SLCO3A1: variants seen among roughly 807,000 people sequenced by gnomAD.
SLCO3A1 encodes PGE1 transporter.
Under a neutral mutation model 63.1 loss-of-function variants are expected in SLCO3A1, and 27 were observed. The ratio of observed to expected loss-of-function variants is 0.43; its 90% confidence interval spans 0.32 to 0.59. The LOEUF (loss-of-function observed/expected upper bound fraction) is 0.59. SLCO3A1 is among the 20% of genes least tolerant of loss of function. SLCO3A1 has a pLI of 0.09. For missense variants in SLCO3A1, 773 were observed against 945.8 expected (o/e 0.82, Z 2.40); for synonymous variants, 473 against 409.9 (o/e 1.15, Z -1.86).
At chr15:91,932,449 C>A (rs999381585) in intron 2 of SLCO3A1, among the ~76,000 whole-genome samples, 3 of 151,634 alleles carry the variant, frequency 2.0e-5, no homozygotes. Context: ...ATTTTATTAG[C>A]AGTTTTTTTT....
intron 9 of SLCO3A1, among the ~76,000 whole-genome samples, chr15:92,160,100 G>T (rs2048418503): frequency 6.6e-6 from 1 of 152,040 alleles, no homozygotes; most frequent in African/African-American, 2.4e-5. Context: ...TGGGTGGCTA[G>T]AACAAAGTGA....
chr15:92,168,820 C>T (rs550293436), downstream of SLCO3A1, among the ~76,000 whole-genome samples: 4 of 152,284 alleles, frequency 2.6e-5, no homozygotes, highest in South Asian at 2.1e-4. Context: ...TGTGACGTGG[C>T]GGATTTGAAC....
intron 2 of SLCO3A1, among the ~76,000 whole-genome samples, chr15:91,927,186 G>A (rs113378547): frequency 1.9e-4 from 29 of 152,080 alleles, no homozygotes; most frequent in African/African-American, 7.0e-4. Context: ...AAATTCCTTT[G>A]GGGCTGAAAT....
downstream of SLCO3A1, among the ~76,000 whole-genome samples, chr15:92,170,328 TTTA>T (rs1464481543): frequency 6.6e-6 from 1 of 152,190 alleles, no homozygotes; most frequent in Non-Finnish European, 1.5e-5. Flanking sequence ...AGCTCATGTT[TTTA>T]TTAAGCACCT....
intron 7 of SLCO3A1, among the ~76,000 whole-genome samples, chr15:92,142,374 A>G (rs574687577): frequency 6.6e-6 from 1 of 152,316 alleles, no homozygotes; most frequent in East Asian, 1.9e-4. Flanking sequence ...TGGATCTGAC[A>G]TCTGATGAAG....
intron 2 of SLCO3A1, among the ~76,000 whole-genome samples, chr15:91,920,420 G>A (rs1237032456): frequency 1.3e-5 from 2 of 152,208 alleles, no homozygotes; most frequent in East Asian, 3.9e-4. Context: ...GAGAGGTGCT[G>A]CTGAAATGGA....
At position 91,935,895 on chromosome 15, in the gene SLCO3A1, C is replaced by T. The variant is rs531806671; in HGVS notation, c.646+19437C>T. Among the ~76,000 whole-genome samples the T allele has an allele frequency of 3.2e-4, 48 of 152,084 alleles. 1 individual carries two copies. Among genetic ancestry groups the T allele is most frequent in the Admixed American group, 1.2e-3 (19 of 15,274 alleles). ...CTGTTTCAAGGGACACCACAGTTAG[C>T]CTGGGAAACATAAGAGGAAATATAA... On this transcript the variant is annotated intron_variant, in intron 2 of 9. Transcript: ENST00000318445.
chr15:91,945,431 A>T (rs1054996623), intron 2 of SLCO3A1, among the ~76,000 whole-genome samples: 4 of 152,152 alleles, frequency 2.6e-5, no homozygotes, highest in African/African-American at 9.7e-5. Flanking sequence ...CCTCGTTTAC[A>T]TTCTAATAGG....
chr15:91,982,368 G>T (rs564269886), intron 2 of SLCO3A1, among the ~76,000 whole-genome samples: 1 of 152,252 alleles, frequency 6.6e-6, no homozygotes, highest in Non-Finnish European at 1.5e-5. Flanking sequence ...GCTTGTAGGC[G>T]AAAGAGTTGT....
At chr15:92,099,531 A>G (rs1423547414) in intron 3 of SLCO3A1, among the ~76,000 whole-genome samples, 2 of 152,130 alleles carry the variant, frequency 1.3e-5, no homozygotes, top group Non-Finnish European at 2.9e-5. Flanking sequence ...CACAATCTCA[A>G]GTATCCTCAT....
At chr15:91,971,802 T>C (rs1466360736) in intron 2 of SLCO3A1, among the ~76,000 whole-genome samples, 1 of 151,964 alleles carries the variant, frequency 6.6e-6, no homozygotes, top group Non-Finnish European at 1.5e-5. Flanking sequence ...GTATTTCCCC[T>C]AGCAGCAGTG....
chr15:92,147,043 T>C lies in SLCO3A1; in HGVS notation c.1572T>C (p.Pro524=). ...TVPAENATVV[P]GKCPSPGCQE... The stretch of plus-strand genomic sequence containing the variant: ...CTGCTGAGAACGCAACCGTGGTTCC[T>C]GGAAAATGCCCCAGTCCTGGGTGCC... The change falls in exon 8 of 10, where the codon CCT becomes CCC. Residue 524 remains proline (P), a synonymous_variant. Transcript: ENST00000318445. The C allele has an allele frequency of 1.2e-6, 2 of 1,614,200 alleles. No homozygotes were observed. Among genetic ancestry groups the C allele is most frequent in the Non-Finnish European group, 1.7e-6 (2 of 1,180,010 alleles).
chr15:91,880,395 C>G (rs74028348), intron 1 of SLCO3A1, among the ~76,000 whole-genome samples: 8,692 of 89,794 alleles, frequency 0.097, 739 homozygotes, highest in African/African-American at 0.28. Context: ...CTCTCTCTCT[C>G]TCTCTCTCTC....
intron 2 of SLCO3A1, among the ~76,000 whole-genome samples, chr15:91,929,334 G>A (rs1194706340): frequency 6.6e-6 from 1 of 152,174 alleles, no homozygotes; most frequent in Non-Finnish European, 1.5e-5. Context: ...TTTTCCCGAA[G>A]TCATTGAGAT....
intron 2 of SLCO3A1, among the ~76,000 whole-genome samples, chr15:92,037,005 C>T (rs947788025): frequency 1.3e-5 from 2 of 152,158 alleles, no homozygotes; most frequent in South Asian, 2.1e-4. Flanking sequence ...ATACTAGGGA[C>T]TGGACACTGT....
rs183021437 is a variant in SLCO3A1 at position 91,911,987 on chromosome 15, T to C, written c.181-4006T>C. On this transcript the variant is annotated intron_variant, in intron 1 of 9. Transcript: ENST00000318445. ...CTGAAATGCAAGCTGATTTTTTTTT[T>C]TTGAATAATCATTGTAGAAGCCTGA... Among the ~76,000 whole-genome samples the C allele has an allele frequency of 2.6e-4, 40 of 152,258 alleles. 2 individuals are homozygous for C. In the East Asian group the frequency reaches 6.4e-3, roughly 24 times the overall value.
intron 9 of SLCO3A1, among the ~76,000 whole-genome samples, chr15:92,160,686 G>C (rs1464678344): frequency 6.6e-6 from 1 of 151,808 alleles, no homozygotes; most frequent in Non-Finnish European, 1.5e-5. Context: ...GTTCCAAGGA[G>C]AAGTACAGAG....
At chr15:91,965,920 G>A (rs1333082343) in intron 2 of SLCO3A1, among the ~76,000 whole-genome samples, 1 of 152,134 alleles carries the variant, frequency 6.6e-6, no homozygotes, top group Non-Finnish European at 1.5e-5. Context: ...TTGAAGGGAG[G>A]AGAGAAACTC....
intron 2 of SLCO3A1, among the ~76,000 whole-genome samples, chr15:91,963,725 T>G (rs1490023230): frequency 6.6e-6 from 1 of 152,072 alleles, no homozygotes; most frequent in Non-Finnish European, 1.5e-5. Flanking sequence ...TTTGGTGGGT[T>G]CGTGGTCTCG....
Sources: allele counts gnomAD v4.1 joint callset (sites outside exome capture counted in the v4.1 genomes callset), GRCh38; gene constraint gnomAD v4.1.1; transcripts MANE v1.5; gene names NCBI Gene and HGNC (gene_info 2026-07-23, HGNC 2026-07-21).